The following PSMC6 variants were observed in gnomAD, a reference collection of about 807,000 sequenced individuals.
The protein encoded by PSMC6 is proteasome 26S subunit, ATPase 6.
Under a neutral mutation model 55.9 loss-of-function variants are expected in PSMC6, and 3 were observed. That is an observed-to-expected ratio of 0.05 (90% CI 0.02 to 0.14). The LOEUF (loss-of-function observed/expected upper bound fraction) is 0.14. Among genes scored for constraint, PSMC6 ranks in the 10% least tolerant of loss-of-function variants. PSMC6 has a pLI of 1.00. For missense variants in PSMC6, 210 were observed against 478.7 expected (o/e 0.44, Z 5.24); for synonymous variants, 137 against 155.9 (o/e 0.88, Z 0.90).
In PSMC6 at chr14:52,727,825, C is replaced by T; in HGVS notation, c.*208C>T. On this transcript the variant is annotated 3_prime_UTR_variant, in exon 14 of 14. Transcript: ENST00000445930. ...AAGTTGCATTTATTGCAGCAAGTTA[C>T]AAAGGGAAAGTGTTGAAGCTTTTCA... The T allele has an allele frequency of 2.4e-6, 1 of 409,520 alleles. No homozygotes were observed. Among genetic ancestry groups the T allele is most frequent in the Non-Finnish European group, 4.4e-6 (1 of 227,374 alleles). The allele number at this position is 409,520 out of a possible 1,614,324, so 25.4% of individuals were successfully genotyped here. A position where few individuals can be genotyped will look rare whatever the true frequency, so the allele number is the denominator to read the frequency against.
intron 7 of PSMC6, among the ~76,000 whole-genome samples, chr14:52,717,016 A>G (rs2041836695): frequency 6.6e-6 from 1 of 152,232 alleles, no homozygotes; most frequent in African/African-American, 2.4e-5. Context: ...GATGTTGGTC[A>G]AAGGATATAA....
intron 13 of PSMC6, among the ~76,000 whole-genome samples, chr14:52,725,270 GCT>G (rs1338387573): frequency 6.6e-6 from 1 of 152,026 alleles, no homozygotes; most frequent in Admixed American, 6.6e-5. Flanking sequence ...CAAAATATAC[GCT>G]TTTTTTCCTT....
rs761150165 is a variant in PSMC6, at chr14:52,711,126, G to A, written c.284G>A (p.Gly95Glu). ...CTTGACAAAAGTAAGCTGAAGCCAG[G>A]AACAAGAGTTGCTTTGGATATGACT... ...RQLDKSKLKP[G>E]TRVALDMTTL... The change falls in exon 5 of 14, where the codon GGA becomes GAA. Residue 95 changes from glycine (G) to glutamate (E), a missense_variant. Coordinates refer to ENST00000445930, the MANE Select transcript of PSMC6 (RefSeq NM_002806.5). 1 of 1,598,042 alleles carries A rather than the reference G, an allele frequency of 6.3e-7. No homozygotes were observed. The highest frequency in any genetic ancestry group is 1.7e-5 in the Admixed American group (1 of 58,570).
chr14:52,728,278 A>G lies in PSMC6; in HGVS notation c.*661A>G, dbSNP rs2139863551. The G allele has an allele frequency of 6.6e-6, 1 of 152,388 alleles. No individual in the cohort carries two copies. The highest frequency in any genetic ancestry group is 1.5e-5 in the Non-Finnish European group (1 of 68,060). 9.4% of individuals were successfully genotyped at this position (152,388 alleles called of 1,614,324 possible). ...GCACATCCATAACTTTTTAAAGAGT[A>G]TGATTCAACGTAATATTTGCTAATA... On this transcript the variant is annotated 3_prime_UTR_variant, in exon 14 of 14. Transcript: ENST00000445930.
chr14:52,708,412 AG>A (rs778124867), intron 2 of PSMC6, 24 bp downstream of exon 2: 4 of 1,612,102 alleles, frequency 2.5e-6, no homozygotes, highest in African/African-American at 2.7e-5. Context: ...TTTGGGGAAT[AG>A]GGGGTGATGG....
intron 6 of PSMC6, among the ~76,000 whole-genome samples, chr14:52,712,047 A>G (rs187950374): frequency 1.3e-4 from 20 of 152,356 alleles, no homozygotes; most frequent in African/African-American, 4.8e-4. Flanking sequence ...GGATTGCCTT[A>G]CTTCATAGCA....
intron 7 of PSMC6, among the ~76,000 whole-genome samples, chr14:52,717,180 GT>G (rs1461750322): frequency 6.6e-6 from 1 of 152,098 alleles, no homozygotes; most frequent in Non-Finnish European, 1.5e-5. Context: ...TGATGGATAT[GT>G]TGATTTGCCT....
At chr14:52,721,081 T>C (rs769713230) in intron 11 of PSMC6, 29 bp from the exon 12 acceptor site, 27 of 1,578,740 alleles carry the variant, frequency 1.7e-5, no homozygotes, top group Non-Finnish European at 2.2e-5. Flanking sequence ...AAGATAAAAC[T>C]GGACTATAAA....
intron 6 of PSMC6, among the ~76,000 whole-genome samples, chr14:52,713,478 A>G (rs1168341769): frequency 6.6e-6 from 1 of 152,156 alleles, no homozygotes; most frequent in Non-Finnish European, 1.5e-5. Context: ...GCAAACTAGT[A>G]TAGATCTTTT....
At chr14:52,717,465 A>G (rs2041842420) in intron 7 of PSMC6, among the ~76,000 whole-genome samples, 2 of 150,442 alleles carry the variant, frequency 1.3e-5, no homozygotes, top group Non-Finnish European at 2.9e-5. Flanking sequence ...CCTCCCCAGT[A>G]GGTGGGACTA....
chr14:52,718,588 A>G (rs2041856023), intron 9 of PSMC6: 3 of 446,022 alleles, frequency 6.7e-6, no homozygotes, highest in Non-Finnish European at 1.2e-5. Context: ...GGAGATCGAG[A>G]CCATCTGGCC....
intron 13 of PSMC6, among the ~76,000 whole-genome samples, chr14:52,725,328 A>G (rs1476842918): frequency 6.6e-6 from 1 of 152,184 alleles, no homozygotes; most frequent in Non-Finnish European, 1.5e-5. Flanking sequence ...ATGAGCTATA[A>G]CTTCTGTGTG....
At chr14:52,708,552 A>G in intron 3 of PSMC6, 30 bp downstream of exon 3, 5 of 1,598,300 alleles carry the variant, frequency 3.1e-6, no homozygotes, top group Non-Finnish European at 3.4e-6. Context: ...ATTAATTAGT[A>G]AAGAAACAGT....
chr14:52,708,224 TA>T lies in PSMC6; in HGVS notation c.86-84del. On this transcript the variant is annotated intron_variant, in intron 1 of 13. Transcript: ENST00000445930. ...AAACTTAGGTAAAGTGAAGTAGACTTACGTAAACAGTAAAGTGAGACGTAGC... is the reference window on the plus strand; with the variant it reads ...AAACTTAGGTAAAGTGAAGTAGACTTCGTAAACAGTAAAGTGAGACGTAGC... 3 of 1,161,360 alleles carry T rather than the reference TA, an allele frequency of 2.6e-6. No individual in the cohort carries two copies. The South Asian group carries it at 3.9e-5, about 15-fold the overall frequency. The allele number at this position is 1,161,360 out of a possible 1,614,324, so 71.9% of individuals were successfully genotyped here. A position where few individuals can be genotyped will look rare whatever the true frequency, so the allele number is the denominator to read the frequency against.
Position 52,727,362 on chromosome 14 carries a change from T to C in PSMC6, c.1052-137T>C, listed in dbSNP as rs540647818. 1,892 of 648,304 alleles carry C rather than the reference T, an allele frequency of 2.9e-3. 7 individuals carry two copies. Among genetic ancestry groups the C allele is most frequent in the Non-Finnish European group, 4.3e-3 (1,682 of 394,728 alleles). 40.2% of individuals were successfully genotyped at this position (648,304 alleles called of 1,614,324 possible). ...TTAATTGAAAAAAGATAGTGGTTTT[T>C]AGCAAATTACAACTACTGGCTCAGA... On this transcript the variant is annotated intron_variant, in intron 13 of 13. Coordinates refer to ENST00000445930, the MANE Select transcript of PSMC6 (RefSeq NM_002806.5).
chr14:52,710,953 C>A, intron 4 of PSMC6, 148 bp from the exon 5 acceptor site: 1 of 609,352 alleles, frequency 1.6e-6, no homozygotes, highest in Non-Finnish European at 2.9e-6. Context: ...TTTTATAAGC[C>A]ATTTTGTTAG....
chr14:52,708,624 G>A (rs535900461), intron 3 of PSMC6, 102 bp downstream of exon 3: 1 of 1,520,426 alleles, frequency 6.6e-7, no homozygotes, highest in African/African-American at 1.4e-5. Context: ...GAGAGAGAGA[G>A]TATTTTTGAA....
At chr14:52,708,926 C>T (rs2041734790) in intron 4 of PSMC6, 110 bp downstream of exon 4, 2 of 1,483,138 alleles carry the variant, frequency 1.3e-6, no homozygotes, top group Admixed American at 2.2e-5. Context: ...CCATAACTCA[C>T]AAGGATGATT....
At chr14:52,711,055 T>G in intron 4 of PSMC6, 46 bp from the exon 5 acceptor site, 1 of 1,401,102 alleles carries the variant, frequency 7.1e-7, no homozygotes, top group Non-Finnish European at 1.0e-6. Flanking sequence ...AGAGTGTTAT[T>G]CCGTTTTTAA....
Sources: gnomAD v4.1 joint callset for allele counts (sites outside exome capture counted in the v4.1 genomes callset) on GRCh38, gnomAD v4.1.1 for gene constraint, MANE v1.5 for transcripts, NCBI Gene and HGNC (gene_info 2026-07-23, HGNC 2026-07-21) for gene names.